KCNQ5: variants seen among roughly 807,000 people sequenced by gnomAD.
KCNQ5 encodes potassium voltage-gated channel subfamily Q member 5, also known as potassium voltage-gated channel subfamily KQT member 5.
In KCNQ5, 30 loss-of-function variants were observed where a neutral mutation model predicts 98.2. The observed-to-expected ratio is 0.31, with a 90% CI of 0.23 to 0.41. KCNQ5 has a LOEUF of 0.41. Ranked by LOEUF, KCNQ5 falls within the 10% of genes least tolerant of loss-of-function variation. The pLI, the probability that KCNQ5 is intolerant of heterozygous loss-of-function variation, is 1.00. For missense variants in KCNQ5, 835 were observed against 1,182.5 expected (o/e 0.71, Z 4.31); for synonymous variants, 458 against 449.4 (o/e 1.02, Z -0.24).
At chr6:73,124,568 G>A in intron 9 of KCNQ5, 56 bp downstream of exon 9, 4 of 1,486,280 alleles carry the variant, frequency 2.7e-6, no homozygotes, top group Non-Finnish European at 3.8e-6. Flanking sequence ...CCTACCAGGT[G>A]TTTTAAATGT....
At chr6:72,676,816 C>CA (rs953972138) in intron 1 of KCNQ5, among the ~76,000 whole-genome samples, 3 of 149,788 alleles carry the variant, frequency 2.0e-5, no homozygotes, top group Admixed American at 2.0e-4. Flanking sequence ...TATTTTCCTT[C>CA]AAAAAAGGCT....
chr6:72,630,828 C>T (rs1351442234), intron 1 of KCNQ5, among the ~76,000 whole-genome samples: 1 of 152,056 alleles, frequency 6.6e-6, no homozygotes, highest in Non-Finnish European at 1.5e-5. Flanking sequence ...ATGTGATGGG[C>T]AATCTTTGAG....
At chr6:72,953,689 G>C (rs1346401986) in intron 1 of KCNQ5, among the ~76,000 whole-genome samples, 2 of 152,146 alleles carry the variant, frequency 1.3e-5, no homozygotes, top group Non-Finnish European at 2.9e-5. Context: ...AACATGAAGA[G>C]GTCTCACATT....
intron 1 of KCNQ5, among the ~76,000 whole-genome samples, chr6:72,736,966 C>CT (rs112772535): frequency 0.36 from 54,303 of 151,202 alleles, 12,602 homozygotes; most frequent in African/African-American, 0.63. Flanking sequence ...CAAGATTTCT[C>CT]TTTTTTTTGA....
chr6:73,166,647 C>T (rs747168762), intron 10 of KCNQ5, among the ~76,000 whole-genome samples: 2 of 152,138 alleles, frequency 1.3e-5, no homozygotes, highest in African/African-American at 2.4e-5. Flanking sequence ...AATCAGGTGG[C>T]TTGAAAGCAC....
chr6:72,639,562 A>G lies in KCNQ5; in HGVS notation c.398+16975A>G, dbSNP rs17692552. 9.2e-3 allele frequency among the ~76,000 whole-genome samples: 1,406 copies of G among 152,284 alleles called. 12 individuals are homozygous for G. The highest frequency in any genetic ancestry group is 0.02 in the East Asian group (105 of 5,170). The stretch of plus-strand genomic sequence containing the variant: ...TCCCTGAAAGTATCACTGTATAACT[A>G]GGATGGGGACTCCAGAAGAGAGGGT... On this transcript the variant is annotated intron_variant, in intron 1 of 13. Coordinates refer to ENST00000370398, the MANE Select transcript of KCNQ5 (RefSeq NM_019842.4).
At chr6:72,845,847 G>A (rs866126433) in intron 1 of KCNQ5, among the ~76,000 whole-genome samples, 3 of 152,100 alleles carry the variant, frequency 2.0e-5, no homozygotes, top group Non-Finnish European at 4.4e-5. Flanking sequence ...GGCACAAAGT[G>A]GGCTGTCAGT....
intron 3 of KCNQ5, among the ~76,000 whole-genome samples, chr6:73,070,069 G>A (rs1487172177): frequency 1.3e-5 from 2 of 152,094 alleles, no homozygotes; most frequent in Non-Finnish European, 2.9e-5. Context: ...GATATGAGAC[G>A]AGGAAGACAA....
chr6:73,080,975 T>A (rs1773740527), intron 5 of KCNQ5, among the ~76,000 whole-genome samples: 1 of 152,172 alleles, frequency 6.6e-6, no homozygotes, highest in African/African-American at 2.4e-5. Context: ...CAATACCTAG[T>A]TCATTGAGTA....
intron 1 of KCNQ5, among the ~76,000 whole-genome samples, chr6:72,799,922 A>G (rs1456053894): frequency 6.6e-6 from 1 of 152,148 alleles, no homozygotes; most frequent in Non-Finnish European, 1.5e-5. Flanking sequence ...GCATCAAGCT[A>G]CTTTGAAAAA....
At chr6:72,688,698 G>A (rs899443527) in intron 1 of KCNQ5, among the ~76,000 whole-genome samples, 1 of 152,044 alleles carries the variant, frequency 6.6e-6, no homozygotes, top group Non-Finnish European at 1.5e-5. Flanking sequence ...GTTTCAGACA[G>A]CATTTAATGT....
At chr6:73,039,937 G>A (rs752034149) in intron 2 of KCNQ5, among the ~76,000 whole-genome samples, 22 of 151,810 alleles carry the variant, frequency 1.4e-4, no homozygotes, top group Non-Finnish European at 2.8e-4. Flanking sequence ...TCCCAAATAC[G>A]ACTTAACATT....
chr6:72,990,605 A>G (rs776205102), intron 1 of KCNQ5, among the ~76,000 whole-genome samples: 3,546 of 128,818 alleles, frequency 0.028, 60 homozygotes, highest in Middle Eastern at 0.078. Context: ...GTCTGCAAAC[A>G]GGGACAATTT....
At chr6:72,631,129 G>A (rs575900215) in intron 1 of KCNQ5, among the ~76,000 whole-genome samples, 16 of 152,246 alleles carry the variant, frequency 1.1e-4, no homozygotes, top group Admixed American at 5.9e-4. Flanking sequence ...TGGGTGCTTG[G>A]GTAAATAGTG....
At chr6:72,869,942 G>T (rs1778138283) in intron 1 of KCNQ5, among the ~76,000 whole-genome samples, 1 of 152,082 alleles carries the variant, frequency 6.6e-6, no homozygotes, top group Non-Finnish European at 1.5e-5. Context: ...AAATATAATG[G>T]TTTGCTCTTT....
At chr6:72,968,478 GA>G (rs1445405744) in intron 1 of KCNQ5, among the ~76,000 whole-genome samples, 1 of 152,058 alleles carries the variant, frequency 6.6e-6, no homozygotes, top group Non-Finnish European at 1.5e-5. Flanking sequence ...ATGTGATGAG[GA>G]GGGGGAAATT....
At chr6:72,918,321 A>G (rs1780253257) in intron 1 of KCNQ5, among the ~76,000 whole-genome samples, 1 of 152,098 alleles carries the variant, frequency 6.6e-6, no homozygotes, top group Middle Eastern at 3.2e-3. Context: ...ACTAATGTCA[A>G]TCAGTACTTT....
chr6:72,841,913 A>T (rs2150134010), intron 1 of KCNQ5, among the ~76,000 whole-genome samples: 1 of 152,334 alleles, frequency 6.6e-6, no homozygotes, highest in African/African-American at 2.4e-5. Context: ...TGATGACGTT[A>T]AATAACTTTT....
chr6:72,633,508 T>C (rs1183642915), intron 1 of KCNQ5, among the ~76,000 whole-genome samples: 1 of 152,218 alleles, frequency 6.6e-6, no homozygotes, highest in East Asian at 1.9e-4. Flanking sequence ...CCTGTCAAAC[T>C]ACAATGCCAT....
Sources: gnomAD v4.1 joint callset for allele counts (sites outside exome capture counted in the v4.1 genomes callset) on GRCh38, gnomAD v4.1.1 for gene constraint, MANE v1.5 for transcripts, NCBI Gene and HGNC (gene_info 2026-07-23, HGNC 2026-07-21) for gene names.